The following SHCBP1 variants were observed in gnomAD, a reference collection of about 807,000 sequenced individuals.
The protein encoded by SHCBP1 is SHC binding and spindle associated 1.
A neutral mutation model predicts 75.1 loss-of-function variants in SHCBP1; 60 were observed. That is an observed-to-expected ratio of 0.80 (90% CI 0.65 to 0.99). The LOEUF is 0.99. SHCBP1 is among the 50% of genes least tolerant of loss of function. SHCBP1 has a pLI of 0.00. For synonymous variants in SHCBP1, 290 were observed against 293.2 expected, an observed-to-expected ratio of 0.99 and a Z score of 0.11; for missense variants, 709 against 809.4, an observed-to-expected ratio of 0.88 and a Z score of 1.50.
At position 46,604,339 on chromosome 16, in the gene SHCBP1, C is replaced by T. The variant is rs1965293453; in HGVS notation, c.812G>A (p.Cys271Tyr). ...ATTTTCCTGCTCGGAATCAGAGTTA[C>T]AATTTGACAAACTGCTTCTCAGATT... ...FLNLRSSLSN[C>Y]NSDSEQENIS... Residue 271 changes from cysteine (C) to tyrosine (Y), a missense_variant, in exon 6 of 13, where the codon TGT (cysteine) becomes TAT (tyrosine). By Grantham distance (194) the Cys-to-Tyr change is radical (BLOSUM62 -2). Transcript: ENST00000303383. 6.2e-7 allele frequency: 1 copy of T among 1,614,076 alleles called. No individual in the cohort carries two copies. Among genetic ancestry groups the T allele is most frequent in the African/African-American group, 1.3e-5 (1 of 74,940 alleles).
intron 8 of SHCBP1, among the ~76,000 whole-genome samples, chr16:46,602,420 T>G (rs1448984500): frequency 6.6e-6 from 1 of 152,182 alleles, no homozygotes; most frequent in Non-Finnish European, 1.5e-5. Flanking sequence ...GAGCATAGCT[T>G]AAGCAGTTTC....
chr16:46,589,746 C>T (rs933774249), intron 10 of SHCBP1, among the ~76,000 whole-genome samples: 2 of 152,096 alleles, frequency 1.3e-5, no homozygotes, highest in African/African-American at 2.4e-5. Context: ...CCATACTGCC[C>T]AAGGTAATTT....
At chr16:46,584,884 A>G (rs1472410240) in intron 10 of SHCBP1, among the ~76,000 whole-genome samples, 1 of 152,242 alleles carries the variant, frequency 6.6e-6, no homozygotes, top group Non-Finnish European at 1.5e-5. Context: ...ACCATTGATG[A>G]CACATCTAAT....
intron 10 of SHCBP1, among the ~76,000 whole-genome samples, chr16:46,593,415 A>G (rs551339297): frequency 1.1e-3 from 169 of 152,304 alleles, no homozygotes; most frequent in African/African-American, 3.9e-3. Flanking sequence ...TATGCTGAAG[A>G]GTACACAATG....
At chr16:46,606,251 G>A (rs1344184137) in intron 5 of SHCBP1, among the ~76,000 whole-genome samples, 1 of 152,162 alleles carries the variant, frequency 6.6e-6, no homozygotes, top group Non-Finnish European at 1.5e-5. Flanking sequence ...TATAAGCAGT[G>A]TGTTTTGAAG....
intron 3 of SHCBP1, among the ~76,000 whole-genome samples, chr16:46,617,314 G>A (rs1965515206): frequency 6.6e-6 from 1 of 152,112 alleles, no homozygotes; most frequent in Admixed American, 6.5e-5. Context: ...TGCCTCTTAG[G>A]TTTGAGCTGC....
Position 46,603,549 on chromosome 16 carries a change from A to C in SHCBP1, c.1203T>G (p.Ile401Met), listed in dbSNP as rs1169174640. The C allele has an allele frequency of 6.2e-7, 1 of 1,614,184 alleles. No individual in the cohort carries two copies. The highest frequency in any genetic ancestry group is 8.5e-7 in the Non-Finnish European group (1 of 1,180,022). Residue 401 changes from isoleucine (I) to methionine (M), a missense_variant, in exon 8 of 13, where the codon ATT (isoleucine) becomes ATG (methionine). Transcript: ENST00000303383. ...VHGTFSIADS[I>M]ELEGYGLPDD... ...GTCTTCCATACTCACCTTCCAACTC[A>C]ATGGAGTCAGCAATGGAGAAAGTGC...
Position 46,617,578 on chromosome 16 carries a change from C to CTGA in SHCBP1, c.387+53_387+55dup, listed in dbSNP as rs1965520160. Reference sequence around the variant, plus strand: ...AAATAAGCACTTTGGATATAACAGTCTGAAGTAAAGTGCTTAAAGCTAGAG... The same window carrying CTGA: ...AAATAAGCACTTTGGATATAACAGTCTGATGAAGTAAAGTGCTTAAAGCTAGAG... On this transcript the variant is annotated intron_variant, in intron 3 of 12. Coordinates refer to ENST00000303383, the MANE Select transcript of SHCBP1 (RefSeq NM_024745.5). The CTGA allele has an allele frequency of 4.5e-6, 6 of 1,342,734 alleles. No homozygotes were observed. In the Admixed American group the frequency reaches 9.4e-5, roughly 21 times the overall value. The allele number at this position is 1,342,734 out of a possible 1,614,324, so 83.2% of individuals were successfully genotyped here.
rs1964902148 is a variant in SHCBP1 at position 46,583,398 on chromosome 16, G to A, written c.1693+118C>T. On this transcript the variant is annotated intron_variant, in intron 12 of 12. Coordinates refer to ENST00000303383, the MANE Select transcript of SHCBP1 (RefSeq NM_024745.5). ...TGTTACCAAGCTTCTCTCTCTCCAT[G>A]CCCAAGCATATCCCAACAACCTTTT... The A allele has an allele frequency of 1.4e-5, 15 of 1,053,218 alleles. 1 individual carries two copies. The South Asian group carries it at 2.6e-4, about 19-fold the overall frequency. 65.2% of individuals were successfully genotyped at this position (1,053,218 alleles called of 1,614,324 possible). A position where few individuals can be genotyped will look rare whatever the true frequency, so the allele number is the denominator to read the frequency against.
At chr16:46,589,911 T>C (rs1035304643) in intron 10 of SHCBP1, among the ~76,000 whole-genome samples, 5 of 152,194 alleles carry the variant, frequency 3.3e-5, no homozygotes, top group Non-Finnish European at 1.5e-5. Flanking sequence ...GCTACCTGAC[T>C]TCAAACTATA....
intron 10 of SHCBP1, among the ~76,000 whole-genome samples, chr16:46,595,208 G>A (rs564961513): frequency 3.2e-4 from 48 of 152,236 alleles, no homozygotes; most frequent in African/African-American, 1.0e-3. Flanking sequence ...GATGTTGCAC[G>A]ACAGTTTCAC....
intron 9 of SHCBP1, among the ~76,000 whole-genome samples, chr16:46,596,322 A>G (rs1160155641): frequency 1.3e-5 from 2 of 152,042 alleles, no homozygotes; most frequent in African/African-American, 2.4e-5. Context: ...CCTGGCCAAC[A>G]TGGTGAAAAC....
intron 10 of SHCBP1, among the ~76,000 whole-genome samples, chr16:46,594,911 A>G (rs988346971): frequency 6.6e-6 from 1 of 152,242 alleles, no homozygotes; most frequent in Admixed American, 6.5e-5. Context: ...TCCACAGTAA[A>G]AAGGAGCAAG....
intron 1 of SHCBP1, 63 bp downstream of exon 1, chr16:46,621,194 G>C: frequency 2.0e-6 from 3 of 1,487,692 alleles, no homozygotes; most frequent in Non-Finnish European, 2.7e-6. Flanking sequence ...CGCCCTCCTA[G>C]GGTCCCGACG....
intron 11 of SHCBP1, 124 bp downstream of exon 11, chr16:46,583,879 C>A: frequency 2.1e-6 from 2 of 940,846 alleles, no homozygotes; most frequent in Non-Finnish European, 3.2e-6. Context: ...CTGATATTAT[C>A]AAAATGTGTA....
chr16:46,620,973 T>G lies in SHCBP1; in HGVS notation c.103+284A>C, dbSNP rs143756264. 2,765 of 382,618 alleles carry G rather than the reference T, an allele frequency of 7.2e-3. 31 individuals carry two copies. The highest frequency in any genetic ancestry group is 7.5e-3 in the Non-Finnish European group (1,618 of 214,328). The allele number at this position is 382,618 out of a possible 1,614,324, so 23.7% of individuals were successfully genotyped here. A position where few individuals can be genotyped will look rare whatever the true frequency, so the allele number is the denominator to read the frequency against. ...ACAGTTCCCGCAAAACCCATCCAGA[T>G]AGGGAATTCCTGGCCCAATCCAGCT... is the stretch of plus-strand genomic sequence containing the variant. On this transcript the variant is annotated intron_variant, in intron 1 of 12. Transcript: ENST00000303383.
chr16:46,608,506 A>T (rs1965358240), intron 4 of SHCBP1, 117 bp from the exon 5 acceptor site: 1 of 668,848 alleles, frequency 1.5e-6, no homozygotes, highest in Admixed American at 2.5e-5. Context: ...AGAATGCTGC[A>T]TATTTGCTAT....
At position 46,608,324 on chromosome 16, in the gene SHCBP1, A is replaced by G. The variant is rs376538138; in HGVS notation, c.662T>C (p.Val221Ala). 2 of 1,613,754 alleles carry G rather than the reference A, an allele frequency of 1.2e-6. No individual in the cohort carries two copies. Among genetic ancestry groups the G allele is most frequent in the Non-Finnish European group, 1.7e-6 (2 of 1,179,766 alleles). The change falls in exon 5 of 13, where the codon GTC becomes GCC. Residue 221 changes from valine (V) to alanine (A), a missense_variant. Physicochemically the swap from Val to Ala is moderately conservative, Grantham distance 64. Transcript: ENST00000303383. ...TCTTAATCGAGGTTCAACACATCTG[A>G]CAAAATAATCGTATTCATCCTCCTC... ...EEEEDEYDYF[V>A]RCVEPRLRLH...
intron 10 of SHCBP1, among the ~76,000 whole-genome samples, chr16:46,586,772 C>T (rs973416265): frequency 2.6e-5 from 4 of 151,920 alleles, no homozygotes; most frequent in South Asian, 2.1e-4. Context: ...AAACCATGGA[C>T]GTCAGATGAA....
Sources: allele counts gnomAD v4.1 joint callset (sites outside exome capture counted in the v4.1 genomes callset), GRCh38; gene constraint gnomAD v4.1.1; transcripts MANE v1.5; gene names NCBI Gene and HGNC (gene_info 2026-07-23, HGNC 2026-07-21).